FHIT: variants seen among roughly 807,000 people sequenced by gnomAD.
FHIT encodes bis(5'-adenosyl)-triphosphatase.
FHIT carries 19 observed loss-of-function variants against 17.9 expected under a neutral mutation model. The ratio of observed to expected loss-of-function variants is 1.06; its 90% CI spans 0.74 to 1.56. FHIT has a LOEUF of 1.56. FHIT is among the 40% of genes most tolerant of loss of function. The pLI is 0.00. For synonymous variants in FHIT, 81 were observed against 69.7 expected (o/e 1.16, Z -0.81); for missense variants, 248 against 189.2 (o/e 1.31, Z -1.82).
chr3:59,961,227 G>C (rs752999330), intron 7 of FHIT, among the ~76,000 whole-genome samples: 1 of 152,068 alleles, frequency 6.6e-6, no homozygotes, highest in Non-Finnish European at 1.5e-5. Flanking sequence ...GGAACTGCTA[G>C]GCCGTTATGG....
intron 7 of FHIT, among the ~76,000 whole-genome samples, chr3:59,970,730 G>A (rs1189409124): frequency 2.6e-5 from 4 of 151,796 alleles, no homozygotes; most frequent in Admixed American, 2.6e-4. Flanking sequence ...TGTTATTGTT[G>A]TTCTCCGGGA....
chr3:60,187,464 C>T (rs999003577), intron 5 of FHIT, among the ~76,000 whole-genome samples: 3 of 152,134 alleles, frequency 2.0e-5, no homozygotes, highest in Non-Finnish European at 2.9e-5. Context: ...GAAGCCTTCA[C>T]GGGTTTCCTG....
At chr3:60,595,810 A>AT (rs201417447) in intron 4 of FHIT, among the ~76,000 whole-genome samples, 12,346 of 151,290 alleles carry the variant, frequency 0.082, 667 homozygotes, top group Non-Finnish European at 0.13. Flanking sequence ...TGCCTGGCTA[A>AT]TTTTTTTTTA....
intron 5 of FHIT, among the ~76,000 whole-genome samples, chr3:60,205,284 A>C (rs1482578148): frequency 6.6e-6 from 1 of 152,180 alleles, no homozygotes; most frequent in Non-Finnish European, 1.5e-5. Flanking sequence ...AAGAATGAGT[A>C]ATATTCCATT....
At chr3:61,045,844 A>G (rs1179479700) in intron 2 of FHIT, among the ~76,000 whole-genome samples, 3 of 152,160 alleles carry the variant, frequency 2.0e-5, no homozygotes, top group Non-Finnish European at 2.9e-5. Flanking sequence ...CTCACTCAAA[A>G]CCACTCAACT....
At chr3:60,556,542 A>G (rs543843110) in intron 4 of FHIT, among the ~76,000 whole-genome samples, 22 of 152,342 alleles carry the variant, frequency 1.4e-4, no homozygotes, top group South Asian at 1.0e-3. Context: ...TTAAACCCCA[A>G]TAGCCTGTAC....
intron 5 of FHIT, among the ~76,000 whole-genome samples, chr3:60,108,162 A>G (rs1202551393): frequency 6.6e-6 from 1 of 152,208 alleles, no homozygotes; most frequent in Non-Finnish European, 1.5e-5. Context: ...AGTTAAGTTA[A>G]AAGCTAATTC....
Position 60,790,625 on chromosome 3 carries a change from C to G in FHIT, c.-18+31294G>C, listed in dbSNP as rs1196228702. 7.9e-5 allele frequency among the ~76,000 whole-genome samples: 12 copies of G among 150,968 alleles called. No homozygotes were observed. The Admixed American group carries it at 8.0e-4, about 10-fold the overall frequency. On this transcript the variant is annotated intron_variant, in intron 4 of 9. Coordinates refer to ENST00000492590, the MANE Select transcript of FHIT (RefSeq NM_002012.4). Reference sequence around the variant, plus strand: ...ACCACATTCCATTACCACCACTCCTCTGAACATTAATGTACCTTAAAACAT... The same window carrying G: ...ACCACATTCCATTACCACCACTCCTGTGAACATTAATGTACCTTAAAACAT...
At chr3:59,962,515 G>T (rs1330819476) in intron 7 of FHIT, among the ~76,000 whole-genome samples, 1 of 152,160 alleles carries the variant, frequency 6.6e-6, no homozygotes, top group Non-Finnish European at 1.5e-5. Flanking sequence ...TGTAGTTTTG[G>T]GAGGGGAGGG....
At chr3:59,942,125 T>C (rs1706551527) in intron 7 of FHIT, among the ~76,000 whole-genome samples, 2 of 152,168 alleles carry the variant, frequency 1.3e-5, no homozygotes, top group Non-Finnish European at 2.9e-5. Flanking sequence ...GACAAAAGTC[T>C]TCCTGCTCCC....
chr3:60,234,810 T>C (rs1704683245), intron 5 of FHIT, among the ~76,000 whole-genome samples: 1 of 152,216 alleles, frequency 6.6e-6, no homozygotes, highest in South Asian at 2.1e-4. Context: ...TGCTTCATTA[T>C]GTGTCTCAGG....
intron 7 of FHIT, among the ~76,000 whole-genome samples, chr3:59,952,796 C>G (rs1325434010): frequency 6.6e-6 from 1 of 152,118 alleles, no homozygotes; most frequent in Non-Finnish European, 1.5e-5. Flanking sequence ...ATTTGGAGGG[C>G]TAGAGGGTGC....
At chr3:60,014,708 A>T (rs1700275032) in intron 5 of FHIT, among the ~76,000 whole-genome samples, 1 of 152,264 alleles carries the variant, frequency 6.6e-6, no homozygotes, top group African/African-American at 2.4e-5. Flanking sequence ...TTTATCCATA[A>T]CTAAGAGAGG....
chr3:60,807,521 G>C (rs186402073), intron 4 of FHIT, among the ~76,000 whole-genome samples: 1 of 152,302 alleles, frequency 6.6e-6, no homozygotes, highest in East Asian at 1.9e-4. Flanking sequence ...CCGGGAGGTA[G>C]AGGCTACAGT....
intron 5 of FHIT, among the ~76,000 whole-genome samples, chr3:60,353,508 G>T (rs374105930): frequency 6.6e-6 from 1 of 152,062 alleles, no homozygotes; most frequent in African/African-American, 2.4e-5. Flanking sequence ...CCTTCTGCTG[G>T]TGAGTCTAAA....
chr3:60,846,202 A>C (rs1287836994), intron 3 of FHIT, among the ~76,000 whole-genome samples: 2 of 152,200 alleles, frequency 1.3e-5, no homozygotes, highest in East Asian at 1.9e-4. Context: ...TAAAATTTTA[A>C]AACCTGAAGC....
At chr3:61,194,508 C>A (rs926324667) in intron 2 of FHIT, among the ~76,000 whole-genome samples, 5 of 152,134 alleles carry the variant, frequency 3.3e-5, no homozygotes, top group African/African-American at 1.2e-4. Context: ...ACAGGTAGTT[C>A]TGTAGCTAAT....
chr3:60,214,377 T>TA (rs571174050), intron 5 of FHIT, among the ~76,000 whole-genome samples: 22 of 152,058 alleles, frequency 1.4e-4, no homozygotes, highest in African/African-American at 3.9e-4. Flanking sequence ...GAAAGCTTTT[T>TA]AAAAAAAACT....
At chr3:60,964,158 T>C (rs1444216405) in intron 3 of FHIT, among the ~76,000 whole-genome samples, 2 of 152,226 alleles carry the variant, frequency 1.3e-5, no homozygotes, top group African/African-American at 4.8e-5. Context: ...GCTCTTCTTG[T>C]TGAATTGATC....
Sources: gnomAD v4.1 joint callset for allele counts (sites outside exome capture counted in the v4.1 genomes callset) on GRCh38, gnomAD v4.1.1 for gene constraint, MANE v1.5 for transcripts, NCBI Gene and HGNC (gene_info 2026-07-23, HGNC 2026-07-21) for gene names.